ANKAR: variants seen among roughly 807,000 people sequenced by gnomAD.
ANKAR encodes the protein ankyrin and armadillo repeat-containing protein.
Under a neutral mutation model 146.2 loss-of-function variants are expected in ANKAR, and 136 were observed. The ratio of observed to expected loss-of-function variants is 0.93; its 90% CI spans 0.81 to 1.07. The LOEUF is 1.07. Among genes scored for constraint, ANKAR ranks in the 50% least tolerant of loss-of-function variants. ANKAR has a pLI of 0.00. For missense variants in ANKAR, 1,567 were observed against 1,679.9 expected (o/e 0.93, Z 1.18); for synonymous variants, 500 against 575.8 (o/e 0.87, Z 1.88).
At chr2:189,684,933 C>A (rs1022609501) in intron 2 of ANKAR, among the ~76,000 whole-genome samples, 1 of 151,304 alleles carries the variant, frequency 6.6e-6, no homozygotes, top group Admixed American at 6.6e-5. Flanking sequence ...TTATTAAATT[C>A]TTTTTTATTA....
Position 189,686,680 on chromosome 2 carries a change from T to C in ANKAR, c.602-2847T>C, listed in dbSNP as rs2035649612. On this transcript the variant is annotated intron_variant, in intron 2 of 22. Coordinates refer to ENST00000684021, the MANE Select transcript of ANKAR (RefSeq NM_001378068.1). ...GTTTTCTTGTTGTTTCATATTTTCC[T>C]TGATCAAAGCTGGGACTTATATTGT... 3.9e-5 allele frequency among the ~76,000 whole-genome samples: 6 copies of C among 152,372 alleles called. No individual in the cohort carries two copies. In the South Asian group the frequency reaches 1.2e-3, roughly 32 times the overall value.
At chr2:189,693,309 AATG>A (rs2036704649) in intron 5 of ANKAR, 132 bp downstream of exon 5, 2 of 618,838 alleles carry the variant, frequency 3.2e-6, no homozygotes, top group Non-Finnish European at 5.7e-6. Context: ...AACCACCATG[AATG>A]ACTTATGGAC....
At chr2:189,750,449 T>TATAAAA, downstream of ANKAR, 1 of 290,304 alleles carries the variant, frequency 3.4e-6, no homozygotes, top group Non-Finnish European at 5.7e-6. Context: ...AAACATCAAA[T>TATAAAA]AGAAAAAAAA....
At chr2:189,737,020 G>A (rs1224455415) in intron 17 of ANKAR, among the ~76,000 whole-genome samples, 1 of 150,962 alleles carries the variant, frequency 6.6e-6, no homozygotes, top group Non-Finnish European at 1.5e-5. Context: ...ATTGCAGTGA[G>A]CCAAGATCAC....
chr2:189,693,548 C>T (rs1415207471), intron 5 of ANKAR, among the ~76,000 whole-genome samples: 1 of 152,108 alleles, frequency 6.6e-6, no homozygotes, highest in Non-Finnish European at 1.5e-5. Context: ...TCAGAGGAAA[C>T]ATTTTAATTA....
At chr2:189,749,244 TAAAAAAA>T (rs397987026), downstream of ANKAR, among the ~76,000 whole-genome samples, 1 of 63,254 alleles carries the variant, frequency 1.6e-5, no homozygotes, top group Non-Finnish European at 2.7e-5. Flanking sequence ...AGACTCTGTC[TAAAAAAA>T]AAAAAAAAAA....
chr2:189,685,564 C>T (rs1184296703), intron 2 of ANKAR, among the ~76,000 whole-genome samples: 1 of 152,182 alleles, frequency 6.6e-6, no homozygotes, highest in Non-Finnish European at 1.5e-5. Flanking sequence ...ATCTGAGAGG[C>T]TCTCCTCACC....
At chr2:189,706,217 G>A (rs1302424563) in intron 8 of ANKAR, among the ~76,000 whole-genome samples, 3 of 151,804 alleles carry the variant, frequency 2.0e-5, no homozygotes, top group Non-Finnish European at 2.9e-5. Flanking sequence ...GCAAAACCCC[G>A]TCTCTACTAA....
At chr2:189,729,695 C>CGTGCGTGTGTGTGTGTGT (rs1553528975) in intron 15 of ANKAR, among the ~76,000 whole-genome samples, 1 of 94,206 alleles carries the variant, frequency 1.1e-5, no homozygotes, top group African/African-American at 3.0e-5. Flanking sequence ...ATCAGCTGTG[C>CGTGCGTGTGTGTGTGTGT]GTGTGTGTGT....
Position 189,743,321 on chromosome 2 carries a change from C to T in ANKAR, c.3857C>T (p.Ala1286Val), listed in dbSNP as rs762415768. 2 of 1,613,894 alleles carry T rather than the reference C, an allele frequency of 1.2e-6. No homozygotes were observed. The highest frequency in any genetic ancestry group is 1.3e-5 in the African/African-American group (1 of 74,918). ...SSALGYLTYN[A>V]NAFRILLKEC... Reference sequence around the variant, plus strand: ...GCTCTTGGCTACTTAACATACAATGCAAATGCTTTCCGCATCCTATTAAAA... The same window carrying T: ...GCTCTTGGCTACTTAACATACAATGTAAATGCTTTCCGCATCCTATTAAAA... The change falls in exon 21 of 23, where the codon GCA becomes GTA. Residue 1286 changes from alanine to valine, a missense_variant. Coordinates refer to ENST00000684021, the MANE Select transcript of ANKAR (RefSeq NM_001378068.1).
At chr2:189,754,413 A>G (rs1449750679) in intron 18 of ANKAR, 1 of 1,398,542 alleles carries the variant, frequency 7.2e-7, no homozygotes, top group African/African-American at 1.5e-5. Context: ...TGCAAAGGAA[A>G]TAAATTGAAA....
At chr2:189,684,699 T>C (rs573897696) in intron 2 of ANKAR, among the ~76,000 whole-genome samples, 2 of 151,762 alleles carry the variant, frequency 1.3e-5, no homozygotes, top group East Asian at 3.9e-4. Flanking sequence ...GGCATGGTGG[T>C]GCACGCCTGT....
At chr2:189,677,168 C>T in intron 2 of ANKAR, 77 bp downstream of exon 2, 1 of 1,376,938 alleles carries the variant, frequency 7.3e-7, no homozygotes, top group Non-Finnish European at 9.5e-7. Context: ...CCAGGGTGGT[C>T]ACGAACCCCT....
intron 1 of ANKAR, 156 bp from the exon 2 acceptor site, chr2:189,676,300 C>T (rs888875323): frequency 2.9e-5 from 16 of 555,684 alleles, no homozygotes; most frequent in Non-Finnish European, 4.4e-5. Context: ...TTTCAGTTTT[C>T]ATATACTGCA....
chr2:189,747,192 G>C (rs887460748), downstream of ANKAR: 1 of 152,136 alleles, frequency 6.6e-6, no homozygotes, highest in African/African-American at 2.4e-5. Flanking sequence ...AAATAAAGTT[G>C]GCTGGGCATG....
rs71938893 is a variant in ANKAR, at chr2:189,736,499, G to GTTT, written c.3424-1182_3424-1180dup. 5.3e-3 allele frequency among the ~76,000 whole-genome samples: 605 copies of GTTT among 113,700 alleles called. 51 individuals carry two copies. Among genetic ancestry groups the GTTT allele is most frequent in the African/African-American group, 0.015 (503 of 32,574 alleles). 74.6% of individuals were successfully genotyped at this position (113,700 alleles called of 152,430 possible). On this transcript the variant is annotated intron_variant, in intron 17 of 22. Coordinates refer to ENST00000684021, the MANE Select transcript of ANKAR (RefSeq NM_001378068.1). ...TCTTTTTGCCTATTTAGGTGACTGG[G>GTTT]TTTTGTGTGTGTGTGTGTGTGTGTG...
intron 2 of ANKAR, among the ~76,000 whole-genome samples, chr2:189,681,574 A>G (rs11679767): frequency 0.59 from 89,313 of 152,086 alleles, 30,263 homozygotes; most frequent in South Asian, 0.76. Context: ...CTACACCTAC[A>G]TTTTCAGGGT....
At chr2:189,678,610 A>G (rs748577869) in intron 2 of ANKAR, among the ~76,000 whole-genome samples, 2 of 152,174 alleles carry the variant, frequency 1.3e-5, no homozygotes, top group Admixed American at 6.5e-5. Flanking sequence ...TGATTTTTAT[A>G]TAAGGTGAGA....
chr2:189,710,457 A>G (rs1299767816), intron 9 of ANKAR, among the ~76,000 whole-genome samples: 2 of 152,198 alleles, frequency 1.3e-5, no homozygotes, highest in Admixed American at 6.5e-5. Context: ...TTATTTTCCA[A>G]CGGAATTTGA....
Sources: allele counts gnomAD v4.1 joint callset (sites outside exome capture counted in the v4.1 genomes callset), GRCh38; gene constraint gnomAD v4.1.1; transcripts MANE v1.5; gene names NCBI Gene and HGNC (gene_info 2026-07-23, HGNC 2026-07-21).